ATP8A2: variants seen among roughly 807,000 people sequenced by gnomAD.
ATP8A2 encodes the protein phospholipid-transporting ATPase IB.
In ATP8A2, 100 loss-of-function variants were observed where a neutral mutation model predicts 165.6. The ratio of observed to expected loss-of-function variants is 0.60; its 90% CI spans 0.51 to 0.71. ATP8A2 has a LOEUF of 0.71. ATP8A2 is among the 30% of genes least tolerant of loss of function. ATP8A2 has a pLI of 0.00. For synonymous variants in ATP8A2, 543 were observed against 548.8 expected (o/e 0.99, Z 0.15); for missense variants, 1,227 against 1,479.5 (o/e 0.83, Z 2.80).
At chr13:26,000,715 A>AAT (rs1157029102) in intron 35 of ATP8A2, among the ~76,000 whole-genome samples, 2 of 151,738 alleles carry the variant, frequency 1.3e-5, no homozygotes, top group Non-Finnish European at 2.9e-5. Flanking sequence ...AAAAAAAAAA[A>AAT]AAAATTAAGT....
intron 2 of ATP8A2, among the ~76,000 whole-genome samples, chr13:25,480,159 G>A (rs1279092788): frequency 2.0e-5 from 3 of 148,644 alleles, no homozygotes; most frequent in Admixed American, 6.6e-5. Context: ...GCAGCTGGCC[G>A]GGTGGGGGGC....
intron 25 of ATP8A2, among the ~76,000 whole-genome samples, chr13:25,722,028 T>C (rs1011079447): frequency 5.9e-5 from 9 of 152,218 alleles, no homozygotes; most frequent in Non-Finnish European, 1.2e-4. Context: ...ATGAAACTGT[T>C]TTCCCCAGTG....
chr13:25,778,427 A>G (rs956535818), intron 27 of ATP8A2, among the ~76,000 whole-genome samples: 1 of 152,218 alleles, frequency 6.6e-6, no homozygotes, highest in African/African-American at 2.4e-5. Context: ...TATGCAATAC[A>G]TGGTTTCATG....
chr13:25,747,571 T>G (rs2044060973), intron 25 of ATP8A2, among the ~76,000 whole-genome samples: 1 of 143,234 alleles, frequency 7.0e-6, no homozygotes, highest in Non-Finnish European at 1.5e-5. Context: ...GAGGAGGGGT[T>G]AGACACGTGG....
intron 33 of ATP8A2, among the ~76,000 whole-genome samples, chr13:25,895,270 T>C (rs1166615435): frequency 6.6e-6 from 1 of 152,222 alleles, no homozygotes; most frequent in Non-Finnish European, 1.5e-5. Context: ...TCAAAGGCCT[T>C]TTCTGCATCT....
At position 26,022,095 on chromosome 13, in the gene ATP8A2, C is replaced by T. The variant is rs1189905196; in HGVS notation, c.*2110C>T. 6.6e-6 allele frequency: 1 copy of T among 152,132 alleles called. No individual in the cohort carries two copies. Among genetic ancestry groups the T allele is most frequent in the East Asian group, 1.9e-4 (1 of 5,192 alleles). 9.4% of individuals were successfully genotyped at this position (152,132 alleles called of 1,614,324 possible). A position where few individuals can be genotyped will look rare whatever the true frequency, so the allele number is the denominator to read the frequency against. ...GAACATTTTTAAATATCAGAGTACCCAGCAAGACGGAAGGACTGTCATGCA... is the reference window on the plus strand; with the variant it reads ...GAACATTTTTAAATATCAGAGTACCTAGCAAGACGGAAGGACTGTCATGCA... On this transcript the variant is annotated 3_prime_UTR_variant, in exon 37 of 37. Transcript: ENST00000381655.
chr13:25,596,182 A>C (rs1245992910), intron 24 of ATP8A2, among the ~76,000 whole-genome samples: 1 of 152,096 alleles, frequency 6.6e-6, no homozygotes, highest in African/African-American at 2.4e-5. Context: ...CCTATCCTTA[A>C]TCTTGTATTA....
intron 24 of ATP8A2, among the ~76,000 whole-genome samples, chr13:25,631,201 C>G (rs943297073): frequency 1.3e-5 from 2 of 151,792 alleles, no homozygotes; most frequent in African/African-American, 4.8e-5. Context: ...GACAGCATCA[C>G]TGTCCAACAG....
At chr13:25,744,330 C>T (rs191258339) in intron 25 of ATP8A2, among the ~76,000 whole-genome samples, 4 of 151,932 alleles carry the variant, frequency 2.6e-5, no homozygotes, top group Admixed American at 1.3e-4. Flanking sequence ...TCACCACCCC[C>T]CCGTGTGTAT....
chr13:26,008,692 T>C (rs1284125172), intron 35 of ATP8A2, among the ~76,000 whole-genome samples: 1 of 152,160 alleles, frequency 6.6e-6, no homozygotes, highest in African/African-American at 2.4e-5. Context: ...CAAAGGGAAT[T>C]ATTGTAAAAG....
At chr13:25,421,526 G>A (rs1369683432) in intron 1 of ATP8A2, among the ~76,000 whole-genome samples, 3 of 152,164 alleles carry the variant, frequency 2.0e-5, no homozygotes, top group Non-Finnish European at 4.4e-5. Flanking sequence ...GTAGAGACAG[G>A]GTCTCATTGT....
At chr13:25,703,150 G>A (rs2042984781) in intron 25 of ATP8A2, among the ~76,000 whole-genome samples, 1 of 152,154 alleles carries the variant, frequency 6.6e-6, no homozygotes, top group Non-Finnish European at 1.5e-5. Flanking sequence ...CGCTATCTCA[G>A]CCCACTGCAA....
chr13:25,640,467 T>C (rs1451095376), intron 24 of ATP8A2, among the ~76,000 whole-genome samples: 3 of 152,174 alleles, frequency 2.0e-5, no homozygotes, highest in Non-Finnish European at 1.5e-5. Flanking sequence ...CAGAGAATAC[T>C]ATAAACACCT....
rs926298478 is a variant in ATP8A2 at position 26,025,614 on chromosome 13, T to G, written c.*5629T>G. 2.0e-5 allele frequency: 3 copies of G among 152,282 alleles called. No homozygotes were observed. The East Asian group carries it at 5.8e-4, about 29-fold the overall frequency. The allele number at this position is 152,282 out of a possible 1,614,324, so 9.4% of individuals were successfully genotyped here. ...TGCTTCTATGGTGTGTGGGGTTTTTTGTTGCCTCCCTCTAGAAGTGTTACC... is the reference window on the plus strand; with the variant it reads ...TGCTTCTATGGTGTGTGGGGTTTTTGGTTGCCTCCCTCTAGAAGTGTTACC... On this transcript the variant is annotated 3_prime_UTR_variant, in exon 37 of 37. Transcript: ENST00000381655.
At chr13:25,424,815 A>G (rs2034398155) in intron 1 of ATP8A2, among the ~76,000 whole-genome samples, 1 of 152,018 alleles carries the variant, frequency 6.6e-6, no homozygotes, top group South Asian at 2.1e-4. Flanking sequence ...AAAATTAGCT[A>G]GATGTGGTGG....
At chr13:25,488,516 G>A (rs978392573) in intron 2 of ATP8A2, among the ~76,000 whole-genome samples, 1 of 152,168 alleles carries the variant, frequency 6.6e-6, no homozygotes, top group African/African-American at 2.4e-5. Context: ...TGAGGTGGGA[G>A]GATTGCTTGA....
At chr13:25,558,709 G>T (rs957017441) in intron 13 of ATP8A2, among the ~76,000 whole-genome samples, 3 of 151,988 alleles carry the variant, frequency 2.0e-5, no homozygotes, top group Admixed American at 6.5e-5. Flanking sequence ...ATATCATTCA[G>T]TAGCACATCA....
rs142111747 is a variant in ATP8A2 at position 25,430,286 on chromosome 13, G to A, written c.77-38691G>A. Among the ~76,000 whole-genome samples the A allele has an allele frequency of 3.9e-5, 6 of 152,024 alleles. No individual in the cohort carries two copies. In the East Asian group the frequency reaches 1.2e-3, roughly 29 times the overall value. On this transcript the variant is annotated intron_variant, in intron 1 of 36. Coordinates refer to ENST00000381655, the MANE Select transcript of ATP8A2 (RefSeq NM_016529.6). ...GAAATGCAACTGTGGGGGCGTCTCC[G>A]GTAAGGGATGGACATGGGGGGGCCC...
At chr13:25,508,913 C>T (rs2037134604) in intron 2 of ATP8A2, among the ~76,000 whole-genome samples, 1 of 152,208 alleles carries the variant, frequency 6.6e-6, no homozygotes, top group Non-Finnish European at 1.5e-5. Context: ...AAACTTCCCC[C>T]TTCTCATCCT....
Sources: gnomAD v4.1 joint callset for allele counts (sites outside exome capture counted in the v4.1 genomes callset) on GRCh38, gnomAD v4.1.1 for gene constraint, MANE v1.5 for transcripts, NCBI Gene and HGNC (gene_info 2026-07-23, HGNC 2026-07-21) for gene names.